The following SLX9 variants were observed in gnomAD, a reference collection of about 807,000 sequenced individuals.
SLX9 encodes the protein SLX9 ribosome biogenesis factor, also known as ribosome biogenesis protein SLX9 homolog.
In SLX9, 19 loss-of-function variants were observed where a neutral mutation model predicts 20.8. That is an observed-to-expected ratio of 0.91 (90% confidence interval 0.64 to 1.34). SLX9 has a LOEUF of 1.34. Among genes scored for constraint, SLX9 ranks in the 40% most tolerant of loss-of-function variants. The pLI is 0.00. For missense variants in SLX9, 299 were observed against 322.2 expected, an observed-to-expected ratio of 0.93 and a Z score of 0.55; for synonymous variants, 113 against 137.1, an observed-to-expected ratio of 0.82 and a Z score of 1.23.
At position 44,973,185 on chromosome 21, in the gene SLX9, CTG is replaced by C. The variant is rs1568947920; in HGVS notation, c.501-8_501-7del. 3 of 1,612,932 alleles carry C rather than the reference CTG, an allele frequency of 1.9e-6. No homozygotes were observed. The highest frequency in any genetic ancestry group is 1.3e-5 in the African/African-American group (1 of 74,914). The stretch of plus-strand genomic sequence containing the variant: ...CTGGATGCTGACTCACGTGGCTTCT[CTG>C]TGTCCACAGCAGGGAGAGCAACAAG... On this transcript the variant is annotated splice_polypyrimidine_tract_variant and intron_variant, in intron 4 of 5. Transcript: ENST00000291634.
chr21:44,965,054 C>T (rs534848171), intron 3 of SLX9, among the ~76,000 whole-genome samples: 1 of 152,166 alleles, frequency 6.6e-6, no homozygotes, highest in African/African-American at 2.4e-5. Context: ...CTTTAATATC[C>T]GATAGCCCTA....
chr21:44,943,558 C>T (rs762060824), intron 1 of SLX9, 126 bp from the exon 2 acceptor site: 269 of 1,329,394 alleles, frequency 2.0e-4, no homozygotes, highest in Non-Finnish European at 2.6e-4. Context: ...CCAGGTCCTC[C>T]CGGGCAGAGA....
intron 2 of SLX9, among the ~76,000 whole-genome samples, chr21:44,958,917 C>T (rs530765090): frequency 1.1e-4 from 16 of 152,376 alleles, no homozygotes; most frequent in Admixed American, 6.5e-4. Context: ...TCCAACACAA[C>T]ACAGGTCACT....
chr21:44,960,370 TGGC>T (rs1285172702), intron 3 of SLX9, among the ~76,000 whole-genome samples: 1 of 152,220 alleles, frequency 6.6e-6, no homozygotes, highest in African/African-American at 2.4e-5. Context: ...CATGAAGACT[TGGC>T]AGCATGGCCA....
At chr21:44,966,749 C>T (rs1456849074) in intron 3 of SLX9, among the ~76,000 whole-genome samples, 3 of 152,248 alleles carry the variant, frequency 2.0e-5, no homozygotes, top group Non-Finnish European at 2.9e-5. Context: ...ACGCGTGCTC[C>T]GGCCACAGTT....
chr21:44,953,231 G>A (rs1226461858), intron 2 of SLX9, among the ~76,000 whole-genome samples: 1 of 152,358 alleles, frequency 6.6e-6, no homozygotes, highest in South Asian at 2.1e-4. Context: ...CTCTGTGGGC[G>A]CGTGGCCGGC....
At chr21:44,939,957 G>T (rs1280695085), upstream of SLX9, 3 of 1,267,458 alleles carry the variant, frequency 2.4e-6, no homozygotes, top group Non-Finnish European at 3.1e-6. Flanking sequence ...CGGCGGCCGC[G>T]GGGCTCCCGG....
chr21:44,946,225 T>G (rs1568928773), intron 2 of SLX9, among the ~76,000 whole-genome samples: 1 of 152,144 alleles, frequency 6.6e-6, no homozygotes, highest in African/African-American at 2.4e-5. Context: ...CTATTGTTTG[T>G]GAGTCTGTTG....
At chr21:44,952,839 C>A (rs567669969) in intron 2 of SLX9, among the ~76,000 whole-genome samples, 10 of 152,324 alleles carry the variant, frequency 6.6e-5, no homozygotes, top group Non-Finnish European at 1.3e-4. Context: ...TTGACATGTT[C>A]GGTTGGTGGG....
chr21:44,946,314 C>T lies in SLX9; in HGVS notation c.283+2477C>T, dbSNP rs75415700. On this transcript the variant is annotated intron_variant, in intron 2 of 5. Coordinates refer to ENST00000291634, the MANE Select transcript of SLX9 (RefSeq NM_058190.4). ...AAAGCTTGTGCTGACGGGACTGTAG[C>T]GTGGCCCGTTCTGGCGCTCCCCAGC... 1.2e-3 allele frequency among the ~76,000 whole-genome samples: 185 copies of T among 152,298 alleles called. 1 individual carries two copies. Among genetic ancestry groups the T allele is most frequent in the African/African-American group, 4.1e-3 (171 of 41,556 alleles).
intron 2 of SLX9, among the ~76,000 whole-genome samples, chr21:44,957,836 C>T (rs982958216): frequency 2.0e-5 from 3 of 152,228 alleles, no homozygotes; most frequent in East Asian, 1.9e-4. Flanking sequence ...GGGACTTGCC[C>T]GTCTCCTGAC....
At chr21:44,958,449 C>T (rs986523955) in intron 2 of SLX9, 5 of 152,350 alleles carry the variant, frequency 3.3e-5, no homozygotes, top group Admixed American at 6.5e-5. Context: ...CGGAGCAGCT[C>T]GAGCGGACTT....
At chr21:44,959,900 G>T (rs971052177) in intron 2 of SLX9, among the ~76,000 whole-genome samples, 200 bp from the exon 3 acceptor site, 2 of 152,232 alleles carry the variant, frequency 1.3e-5, no homozygotes, top group African/African-American at 4.8e-5. Flanking sequence ...GCTGCTGAGA[G>T]AGCCTCCTGA....
chr21:44,952,885 C>T (rs1403141402), intron 2 of SLX9, among the ~76,000 whole-genome samples: 1 of 152,218 alleles, frequency 6.6e-6, no homozygotes, highest in East Asian at 1.9e-4. Flanking sequence ...GCCATCTGCA[C>T]GTCACTGTCC....
chr21:44,962,307 G>T (rs79975146), intron 3 of SLX9, among the ~76,000 whole-genome samples: 7,711 of 152,094 alleles, frequency 0.051, 720 homozygotes, highest in African/African-American at 0.18. Context: ...CGACAGTCAC[G>T]CACCCCCCCA....
rs528599393 is a variant in SLX9 at position 44,958,791 on chromosome 21, T to C, written c.284-1309T>C. 6.6e-5 allele frequency among the ~76,000 whole-genome samples: 10 copies of C among 152,260 alleles called. No individual in the cohort carries two copies. In the East Asian group the frequency reaches 1.9e-3, roughly 29 times the overall value. ...CTCCTGCAGGAGCAGCGTGTTTGGT[T>C]CCTGTTGTCCTGGTGCCATGGCAAT... is the stretch of plus-strand genomic sequence containing the variant. On this transcript the variant is annotated intron_variant, in intron 2 of 5. Coordinates refer to ENST00000291634, the MANE Select transcript of SLX9 (RefSeq NM_058190.4).
At position 44,967,078 on chromosome 21, in the gene SLX9, C is replaced by T. The variant is rs140960368; in HGVS notation, c.397C>T (p.Arg133Trp). Residue 133 changes from arginine (R) to tryptophan (W), a missense_variant, in exon 4 of 6, where the codon CGG (arginine) becomes TGG (tryptophan). Arg to Trp is a moderately radical substitution (Grantham distance 101, BLOSUM62 -3). Coordinates refer to ENST00000291634, the MANE Select transcript of SLX9 (RefSeq NM_058190.4). The part of the protein sequence containing the change: ...KLAEQKHREE[R>W]RRRATVVVGD... ...GGCTGAGCAGAAGCACAGGGAGGAG[C>T]GGAGGCGGAGGGCCACGGTGGTGGT... 464 of 1,611,660 alleles carry T rather than the reference C, an allele frequency of 2.9e-4. No homozygotes were observed. The highest frequency in any genetic ancestry group is 3.8e-4 in the Non-Finnish European group (445 of 1,179,648).
chr21:44,971,219 C>T (rs372965157), intron 4 of SLX9, among the ~76,000 whole-genome samples: 5 of 110,282 alleles, frequency 4.5e-5, no homozygotes, highest in East Asian at 3.0e-4. Flanking sequence ...GAGGGAGTGC[C>T]GTGGGGGCTG....
At chr21:44,951,884 T>TGTGGGCCGTGCAAGTCTGG (rs2084764825) in intron 2 of SLX9, among the ~76,000 whole-genome samples, 1 of 148,692 alleles carries the variant, frequency 6.7e-6, no homozygotes, top group African/African-American at 2.6e-5. Flanking sequence ...TGTGTGGGTT[T>TGTGGGCCGTGCAAGTCTGG]ATCCTCATAG....
Sources: allele counts gnomAD v4.1 joint callset (sites outside exome capture counted in the v4.1 genomes callset), GRCh38; gene constraint gnomAD v4.1.1; transcripts MANE v1.5; gene names NCBI Gene and HGNC (gene_info 2026-07-23, HGNC 2026-07-21).